TMEFF2: variants seen among roughly 807,000 people sequenced by gnomAD.
TMEFF2 encodes transmembrane protein with EGF like and two follistatin like domains 2, also known as tomoregulin-2.
TMEFF2 carries 28 observed loss-of-function variants against 53.8 expected under a neutral mutation model. The observed-to-expected ratio is 0.52, with a 90% CI of 0.39 to 0.71. The LOEUF is 0.71. TMEFF2 is among the 30% of genes least tolerant of loss of function. The probability of loss-of-function intolerance (pLI) is 0.00; values close to 1 mark genes in which losing one functional copy is unlikely to be tolerated. For missense variants in TMEFF2, 353 were observed against 455.2 expected (o/e 0.78, Z 2.04); for synonymous variants, 162 against 166.3 (o/e 0.97, Z 0.20).
chr2:192,077,594 G>T (rs546925388), intron 4 of TMEFF2, among the ~76,000 whole-genome samples: 4 of 152,064 alleles, frequency 2.6e-5, no homozygotes, highest in Admixed American at 2.0e-4. Context: ...CCTTCCAAGG[G>T]TGTCTTTCTT....
chr2:192,106,546 C>T (rs1025228766), intron 4 of TMEFF2, among the ~76,000 whole-genome samples: 48 of 151,774 alleles, frequency 3.2e-4, no homozygotes, highest in African/African-American at 1.1e-3. Flanking sequence ...CCGTGATTTA[C>T]CCATGTGTTA....
intron 9 of TMEFF2, among the ~76,000 whole-genome samples, chr2:191,951,810 T>C (rs1691892662): frequency 6.6e-6 from 1 of 152,154 alleles, no homozygotes; most frequent in Non-Finnish European, 1.5e-5. Context: ...CATTACAAAA[T>C]ACTAATACAG....
At chr2:192,135,993 CT>C (rs1159066856) in intron 4 of TMEFF2, among the ~76,000 whole-genome samples, 13 of 152,184 alleles carry the variant, frequency 8.5e-5, no homozygotes, top group East Asian at 3.9e-4. Context: ...GGCCCCACCC[CT>C]ATCTCCCTTC....
chr2:192,073,862 GA>G (rs1423163243), intron 4 of TMEFF2, among the ~76,000 whole-genome samples: 2 of 151,898 alleles, frequency 1.3e-5, no homozygotes, highest in Non-Finnish European at 2.9e-5. Flanking sequence ...TTGTCAGAAT[GA>G]ATTTAAGTCT....
At chr2:192,098,134 A>G (rs151321007) in intron 4 of TMEFF2, among the ~76,000 whole-genome samples, 1 of 152,308 alleles carries the variant, frequency 6.6e-6, no homozygotes, top group Non-Finnish European at 1.5e-5. Flanking sequence ...TTTGAATTTA[A>G]CCACAATAGC....
At chr2:192,030,754 T>C (rs946607758) in intron 5 of TMEFF2, 10 of 152,136 alleles carry the variant, frequency 6.6e-5, no homozygotes, top group African/African-American at 2.4e-4. Flanking sequence ...ACAAAAAGAA[T>C]ACAGTAAATG....
chr2:192,025,956 G>C (rs563770752), intron 5 of TMEFF2, among the ~76,000 whole-genome samples: 1 of 152,116 alleles, frequency 6.6e-6, no homozygotes, highest in Non-Finnish European at 1.5e-5. Flanking sequence ...TTGTTGCTTG[G>C]TTATTCATAC....
intron 4 of TMEFF2, among the ~76,000 whole-genome samples, chr2:192,094,234 G>A (rs1322682206): frequency 6.6e-6 from 1 of 152,160 alleles, no homozygotes; most frequent in Non-Finnish European, 1.5e-5. Context: ...GAGTACAATT[G>A]TGGCTTACAA....
At chr2:192,190,917 TTTCA>T (rs1691446546) in intron 2 of TMEFF2, among the ~76,000 whole-genome samples, 5 of 152,154 alleles carry the variant, frequency 3.3e-5, no homozygotes, top group African/African-American at 1.2e-4. Flanking sequence ...TTAGAAAAGT[TTTCA>T]TTATCTCACA....
intron 7 of TMEFF2, among the ~76,000 whole-genome samples, chr2:191,975,235 AG>A (rs889230132): frequency 7.0e-5 from 10 of 143,404 alleles, no homozygotes; most frequent in African/African-American, 1.7e-4. Flanking sequence ...TGAAAAATGA[AG>A]GTCATCAGGT....
intron 4 of TMEFF2, among the ~76,000 whole-genome samples, chr2:192,074,790 G>A (rs1344656145): frequency 1.3e-5 from 2 of 151,788 alleles, no homozygotes; most frequent in African/African-American, 4.8e-5. Context: ...TTATATAATA[G>A]CATCCATGAA....
intron 4 of TMEFF2, among the ~76,000 whole-genome samples, chr2:192,104,574 G>A (rs1689103238): frequency 6.6e-6 from 1 of 151,920 alleles, no homozygotes; most frequent in Non-Finnish European, 1.5e-5. Context: ...GCAAAAACCT[G>A]ACAATTTTAA....
At chr2:191,956,104 G>A (rs1325994028) in intron 8 of TMEFF2, 151 bp downstream of exon 8, 1 of 733,396 alleles carries the variant, frequency 1.4e-6, no homozygotes, top group African/African-American at 1.8e-5. Flanking sequence ...ATGTGTGTAT[G>A]TGTGTATGCA....
At chr2:192,132,272 C>G (rs1348018952) in intron 4 of TMEFF2, among the ~76,000 whole-genome samples, 1 of 152,092 alleles carries the variant, frequency 6.6e-6, no homozygotes, top group Admixed American at 6.6e-5. Flanking sequence ...TGGCTGGAGC[C>G]AAAGGCATAG....
At chr2:192,003,928 T>TGGTG (rs1686431469) in intron 5 of TMEFF2, among the ~76,000 whole-genome samples, 2 of 119,218 alleles carry the variant, frequency 1.7e-5, no homozygotes, top group African/African-American at 3.2e-5. Flanking sequence ...TGTGTGTGTG[T>TGGTG]GGGGGGGGGG....
At chr2:191,998,886 G>A (rs1686288032) in intron 6 of TMEFF2, among the ~76,000 whole-genome samples, 174 bp downstream of exon 6, 1 of 151,846 alleles carries the variant, frequency 6.6e-6, no homozygotes, top group Admixed American at 6.6e-5. Context: ...GTTGCTGAGA[G>A]CCCCTCAAAA....
intron 4 of TMEFF2, among the ~76,000 whole-genome samples, chr2:192,138,580 G>A (rs1690065006): frequency 6.6e-6 from 1 of 152,190 alleles, no homozygotes; most frequent in Non-Finnish European, 1.5e-5. Flanking sequence ...GGTGAAAGTA[G>A]CAATTTCGGG....
intron 5 of TMEFF2, among the ~76,000 whole-genome samples, chr2:192,053,767 T>G (rs537351162): frequency 4.1e-4 from 62 of 152,316 alleles, no homozygotes; most frequent in Non-Finnish European, 7.1e-4. Context: ...TATAGTCAGA[T>G]CACTCCGCTA....
intron 7 of TMEFF2, among the ~76,000 whole-genome samples, chr2:191,972,527 T>G (rs4260186): frequency 0.99 from 149,876 of 151,666 alleles, 74,085 homozygotes; most frequent in Middle Eastern, 1. Context: ...TACTAAAAAT[T>G]GATCATTAAG....
Sources: allele counts gnomAD v4.1 joint callset (sites outside exome capture counted in the v4.1 genomes callset), GRCh38; gene constraint gnomAD v4.1.1; transcripts MANE v1.5; gene names NCBI Gene and HGNC (gene_info 2026-07-23, HGNC 2026-07-21).